PDE10A: variants seen among roughly 807,000 people sequenced by gnomAD.
The protein encoded by PDE10A is phosphodiesterase 10A, also known as cAMP and cAMP-inhibited cGMP 3',5'-cyclic phosphodiesterase 10A.
In PDE10A, 39 loss-of-function variants were observed where a neutral mutation model predicts 97.7. The observed-to-expected ratio is 0.40, with a 90% CI of 0.31 to 0.52. The LOEUF (loss-of-function observed/expected upper bound fraction) is 0.52, where lower values mean the gene tolerates loss of function less well. PDE10A is among the 20% of genes least tolerant of loss of function. The probability of loss-of-function intolerance (pLI) is 0.56; values close to 1 mark genes in which losing one functional copy is unlikely to be tolerated. For missense variants in PDE10A, 731 were observed against 1,047.8 expected, an observed-to-expected ratio of 0.70 and a Z score of 4.17; for synonymous variants, 371 against 376.8, an observed-to-expected ratio of 0.98 and a Z score of 0.18.
chr6:165,969,387 T>C (rs1784605737), intron 1 of PDE10A, among the ~76,000 whole-genome samples: 1 of 152,048 alleles, frequency 6.6e-6, no homozygotes, highest in Admixed American at 6.6e-5. Context: ...GCAGCGGTTA[T>C]GGGAGATTGG....
At chr6:165,719,456 T>A (rs1028635768) in intron 1 of PDE10A, among the ~76,000 whole-genome samples, 4 of 152,198 alleles carry the variant, frequency 2.6e-5, no homozygotes, top group African/African-American at 9.6e-5. Context: ...ATGACAAGAA[T>A]TCAAATGAAA....
At chr6:165,404,414 A>G (rs533250337) in intron 13 of PDE10A, among the ~76,000 whole-genome samples, 1 of 152,060 alleles carries the variant, frequency 6.6e-6, no homozygotes, top group Non-Finnish European at 1.5e-5. Flanking sequence ...ACTTGGGGCT[A>G]TGGGTAGAAA....
intron 1 of PDE10A, among the ~76,000 whole-genome samples, chr6:165,932,997 G>T (rs1342890198): frequency 6.6e-6 from 1 of 152,188 alleles, no homozygotes; most frequent in African/African-American, 2.4e-5. Flanking sequence ...CCTGAGAGAG[G>T]CCTCTCCCCT....
At chr6:165,815,613 AG>A (rs1371525142) in intron 1 of PDE10A, among the ~76,000 whole-genome samples, 1 of 152,182 alleles carries the variant, frequency 6.6e-6, no homozygotes, top group Non-Finnish European at 1.5e-5. Context: ...CCAATGAAGA[AG>A]AGAAAACCTG....
chr6:165,839,896 T>TCCTCCTCCCCATCCTATCTCCAATTCA (rs1562762551), intron 1 of PDE10A, among the ~76,000 whole-genome samples: 1 of 151,388 alleles, frequency 6.6e-6, no homozygotes, highest in African/African-American at 2.4e-5. Flanking sequence ...TCCATCCCCA[T>TCCTCCTCCCCATCCTATCTCCAATTCA]TCCCATCTCC....
chr6:165,559,980 G>A (rs2128336873), intron 1 of PDE10A, among the ~76,000 whole-genome samples: 1 of 152,274 alleles, frequency 6.6e-6, no homozygotes, highest in Non-Finnish European at 1.5e-5. Flanking sequence ...TCTCAGGTAT[G>A]TCTTTATCAG....
intron 18 of PDE10A, among the ~76,000 whole-genome samples, chr6:165,345,707 G>A (rs758400260): frequency 2.6e-5 from 4 of 152,198 alleles, no homozygotes; most frequent in Non-Finnish European, 5.9e-5. Flanking sequence ...AATTTCAGAA[G>A]GTTTAACTAC....
intron 1 of PDE10A, among the ~76,000 whole-genome samples, chr6:165,888,571 A>C (rs1448465969): frequency 6.6e-6 from 1 of 152,124 alleles, no homozygotes; most frequent in East Asian, 1.9e-4. Context: ...GGCGTGAGCC[A>C]CCGCACCTGG....
chr6:165,662,118 C>A lies in PDE10A; in HGVS notation c.694G>T (p.Gly232Cys). Reference protein sequence around the residue: ...GQAARRAGSPGFPGAGPGGGG... With the variant: ...GQAARRAGSPCFPGAGPGGGG... ...CCGCCTGGGCCGGCGCCGGGGAAGCCGGGGGAGCCCGCGCGGCGGGCGGCC... is the reference window on the plus strand; with the variant it reads ...CCGCCTGGGCCGGCGCCGGGGAAGCAGGGGGAGCCCGCGCGGCGGGCGGCC... The change falls in exon 1 of 22, where the codon GGC (glycine) becomes TGC (cysteine). Residue 232 changes from glycine to cysteine, a missense_variant. Gly to Cys is a radical substitution (Grantham distance 159). Around this residue, in one of 8 missense-constraint regions of PDE10A, gnomAD observed 181 missense variants for 159.1 expected, o/e 1.14. Transcript: ENST00000539869. The A allele has an allele frequency of 1.0e-6, 1 of 980,304 alleles. No homozygotes were observed. 60.7% of individuals were successfully genotyped at this position (980,304 alleles called of 1,614,324 possible).
intron 1 of PDE10A, among the ~76,000 whole-genome samples, chr6:165,563,750 A>C (rs908235793): frequency 1.3e-5 from 2 of 151,958 alleles, no homozygotes; most frequent in Non-Finnish European, 2.9e-5. Context: ...AATTAGCCAG[A>C]CATGGTGGTG....
At chr6:165,569,820 C>T (rs143597551) in intron 1 of PDE10A, among the ~76,000 whole-genome samples, 1 of 152,096 alleles carries the variant, frequency 6.6e-6, no homozygotes, top group Non-Finnish European at 1.5e-5. Flanking sequence ...GCTGCATAAA[C>T]CCACATATGT....
chr6:165,356,790 C>T (rs916239949), intron 18 of PDE10A, among the ~76,000 whole-genome samples: 11 of 152,024 alleles, frequency 7.2e-5, no homozygotes, highest in African/African-American at 9.7e-5. Flanking sequence ...TTGCTTAATT[C>T]GCTTATTAAT....
At chr6:165,529,070 T>C (rs1562552003) in intron 2 of PDE10A, among the ~76,000 whole-genome samples, 1 of 152,180 alleles carries the variant, frequency 6.6e-6, no homozygotes, top group South Asian at 2.1e-4. Flanking sequence ...CTAGAGGTCT[T>C]ATTTCCAGAG....
chr6:165,410,904 C>T (rs572927606), intron 13 of PDE10A, among the ~76,000 whole-genome samples: 151 of 117,348 alleles, frequency 1.3e-3, no homozygotes, highest in African/African-American at 5.1e-3. Flanking sequence ...CTGGCTAACA[C>T]GGTGAAACCC....
chr6:165,792,297 A>G (rs1490950327), intron 1 of PDE10A, among the ~76,000 whole-genome samples: 1 of 152,154 alleles, frequency 6.6e-6, no homozygotes, highest in East Asian at 1.9e-4. Flanking sequence ...TGTCCTCTGG[A>G]TGGAGCAGGA....
At chr6:165,399,714 T>C (rs1786483101) in intron 13 of PDE10A, among the ~76,000 whole-genome samples, 1 of 152,142 alleles carries the variant, frequency 6.6e-6, no homozygotes, top group African/African-American at 2.4e-5. Context: ...CGGAGAATGA[T>C]GGTTTCCAGC....
chr6:165,465,795 G>A (rs78729979), intron 3 of PDE10A, among the ~76,000 whole-genome samples: 3 of 152,186 alleles, frequency 2.0e-5, no homozygotes, highest in Non-Finnish European at 4.4e-5. Context: ...CTGGTCAAGT[G>A]CTTGACACAT....
intron 1 of PDE10A, among the ~76,000 whole-genome samples, chr6:165,551,915 T>C (rs1784035916): frequency 6.6e-6 from 1 of 152,118 alleles, no homozygotes; most frequent in Non-Finnish European, 1.5e-5. Flanking sequence ...TCAGTAGCAA[T>C]GATGCCACTT....
chr6:165,982,925 C>T (rs1267776200), intron 1 of PDE10A, among the ~76,000 whole-genome samples: 1 of 152,128 alleles, frequency 6.6e-6, no homozygotes, highest in Non-Finnish European at 1.5e-5. Flanking sequence ...ATTTGCACAC[C>T]AATTTTCTTT....
Sources: gnomAD v4.1 joint callset for allele counts (sites outside exome capture counted in the v4.1 genomes callset) on GRCh38, gnomAD v4.1.1 for gene constraint, gnomAD v4.1.1 regional missense constraint, MANE v1.5 for transcripts, NCBI Gene and HGNC (gene_info 2026-07-23, HGNC 2026-07-21) for gene names.